Variants in CLTRN observed in about 807,000 individuals in gnomAD.
CLTRN encodes the protein collectrin, amino acid transport regulator.
In CLTRN, 12 loss-of-function variants were observed where a neutral mutation model predicts 14.5. That is an observed-to-expected ratio of 0.83 (90% CI 0.53 to 1.34). The LOEUF (loss-of-function observed/expected upper bound fraction) is 1.34. Ranked by LOEUF, CLTRN falls within the 40% of genes most tolerant of loss-of-function variation. The probability of loss-of-function intolerance (pLI) is 0.00; values close to 1 mark genes in which losing one functional copy is unlikely to be tolerated. For synonymous variants in CLTRN, 58 were observed against 56.5 expected (o/e 1.03, Z -0.12); for missense variants, 154 against 165.1 (o/e 0.93, Z 0.37).
intron 1 of CLTRN, among the ~76,000 whole-genome samples, chrX:15,672,917 A>T (rs1929743677): frequency 8.9e-6 from 1 of 112,264 alleles, no homozygotes; most frequent in African/African-American, 3.2e-5. Context: ...CATTATGGGG[A>T]AAGATTATCT....
chrX:15,662,700 G>A (rs1389667496), intron 2 of CLTRN, among the ~76,000 whole-genome samples: 1 of 111,268 alleles, frequency 9.0e-6, no homozygotes, highest in East Asian at 2.8e-4. Flanking sequence ...CCCACTATCT[G>A]TCTTCCAGCT....
chrX:15,630,305 G>A (rs1256893949), intron 5 of CLTRN, among the ~76,000 whole-genome samples: 6 of 109,584 alleles, frequency 5.5e-5, no homozygotes, highest in African/African-American at 2.0e-4. Flanking sequence ...TAATGTTGTA[G>A]GTAAAGTTAC....
At chrX:15,652,665 G>T (rs186280318) in intron 3 of CLTRN, among the ~76,000 whole-genome samples, 1 of 111,989 alleles carries the variant, frequency 8.9e-6, no homozygotes, top group East Asian at 2.8e-4. Flanking sequence ...ACTGTATCAT[G>T]AACATGGTCA....
chrX:15,659,046 A>G lies in CLTRN; in HGVS notation c.173T>C (p.Met58Thr), dbSNP rs1356265412. 1 of 1,181,918 alleles carries G rather than the reference A, an allele frequency of 8.5e-7. No individual in the cohort carries two copies. Among genetic ancestry groups the G allele is most frequent in the African/African-American group, 1.8e-5 (1 of 57,002 alleles). The change falls in exon 3 of 6, where the codon ATG becomes ACG. Residue 58 changes from methionine to threonine, a missense_variant. Coordinates refer to ENST00000380342, the MANE Select transcript of CLTRN (RefSeq NM_020665.6). ...TGCTTCTCTGTTGGGAACTTTTCTCATGGAGAAAGCTACCATCGCTTTGAA... is the reference window on the plus strand; with the variant it reads ...TGCTTCTCTGTTGGGAACTTTTCTCGTGGAGAAAGCTACCATCGCTTTGAA... ...YLFKAMVAFS[M>T]RKVPNREATE...
intron 3 of CLTRN, 96 bp downstream of exon 3, chrX:15,658,920 G>C (rs1048946297): frequency 2.0e-5 from 8 of 401,927 alleles, no homozygotes; most frequent in African/African-American, 1.8e-4. Context: ...TGAAAAATTA[G>C]CTTAATAAAT....
rs781454140 is a variant in CLTRN at position 15,671,765 on chromosome X, A to C, written c.-506+3224T>G. ...CATTGGCCATCTTAATAAAAAGATA[A>C]ATGAGCTTATTTTAATAATAATTTT... On this transcript the variant is annotated intron_variant, in intron 1 of 6. Transcript: ENST00000650271. 4.5e-5 allele frequency among the ~76,000 whole-genome samples: 5 copies of C among 110,941 alleles called. No individual in the cohort carries two copies. The South Asian group carries it at 1.9e-3, about 42-fold the overall frequency.
Position 15,634,677 on chromosome X carries a change from G to T in CLTRN, c.512+4885C>A, listed in dbSNP as rs781692215. 5.7e-5 allele frequency among the ~76,000 whole-genome samples: 6 copies of T among 105,274 alleles called. No homozygotes were observed. The South Asian group carries it at 2.6e-3, about 45-fold the overall frequency. 91.4% of individuals were successfully genotyped at this position (105,274 alleles called of 115,157 possible). ...TCAAAATCATTCTCAGTAAACTATC[G>T]CAAGAACAAAAAATCAAACACCGCA... is the stretch of plus-strand genomic sequence containing the variant. On this transcript the variant is annotated intron_variant, in intron 5 of 5. Coordinates refer to ENST00000380342, the MANE Select transcript of CLTRN (RefSeq NM_020665.6).
At chrX:15,634,676 C>T (rs1329089817) in intron 5 of CLTRN, among the ~76,000 whole-genome samples, 5 of 106,519 alleles carry the variant, frequency 4.7e-5, no homozygotes, top group South Asian at 4.2e-4. Flanking sequence ...AGTAAACTAT[C>T]GCAAGAACAA....
upstream of CLTRN, among the ~76,000 whole-genome samples, chrX:15,667,430 T>G (rs1929642899): frequency 9.0e-6 from 1 of 111,726 alleles, no homozygotes; most frequent in Non-Finnish European, 1.9e-5. Context: ...CTCTTTTGAA[T>G]GATGGTTTCT....
chrX:15,631,728 T>C (rs987403493), intron 5 of CLTRN, among the ~76,000 whole-genome samples: 1 of 112,401 alleles, frequency 8.9e-6, no homozygotes, highest in Non-Finnish European at 1.9e-5. Context: ...TATTGTTCTT[T>C]TACAACCATA....
intron 4 of CLTRN, among the ~76,000 whole-genome samples, chrX:15,642,872 C>T (rs1004938554): frequency 1.8e-5 from 2 of 109,460 alleles, no homozygotes; most frequent in Non-Finnish European, 3.8e-5. Flanking sequence ...GCAGGAGGAT[C>T]GCCTGAGGCC....
chrX:15,633,622 T>A (rs990210704), intron 5 of CLTRN, among the ~76,000 whole-genome samples: 1 of 113,078 alleles, frequency 8.8e-6, no homozygotes, highest in African/African-American at 3.2e-5. Flanking sequence ...TAAGACTTTA[T>A]AAGAATGTGG....
chrX:15,670,340 C>CACACAG (rs1929694739), intron 1 of CLTRN, among the ~76,000 whole-genome samples: 1 of 109,394 alleles, frequency 9.1e-6, no homozygotes, highest in Non-Finnish European at 1.9e-5. Context: ...CACACACACA[C>CACACAG]ACACACACAC....
At chrX:15,667,331 TTTGGCTTTTACTTAGTCA>T (rs1929641344), upstream of CLTRN, among the ~76,000 whole-genome samples, 1 of 112,668 alleles carries the variant, frequency 8.9e-6, no homozygotes, top group South Asian at 3.6e-4. Flanking sequence ...AGTGGCTTTC[TTTGGCTTTTACTTAGTCA>T]TTGATGTAAC....
chrX:15,656,126 C>G (rs1929355125), intron 3 of CLTRN, among the ~76,000 whole-genome samples: 1 of 112,202 alleles, frequency 8.9e-6, no homozygotes, highest in African/African-American at 3.2e-5. Flanking sequence ...TCCCTGGTTT[C>G]TCTTCCACTG....
upstream of CLTRN, among the ~76,000 whole-genome samples, chrX:15,668,130 T>A (rs2147217426): frequency 8.9e-6 from 1 of 112,550 alleles, no homozygotes; most frequent in South Asian, 3.6e-4. Flanking sequence ...TCCATAATAC[T>A]ACCAGAATGG....
intron 5 of CLTRN, among the ~76,000 whole-genome samples, chrX:15,632,865 C>T (rs1928731710): frequency 1.4e-5 from 1 of 71,970 alleles, no homozygotes; most frequent in Non-Finnish European, 2.4e-5. Context: ...GCCTGGGTGA[C>T]AGAGCAAGAC....
chrX:15,634,796 G>A (rs1244182342), intron 5 of CLTRN, among the ~76,000 whole-genome samples: 1 of 68,785 alleles, frequency 1.5e-5, no homozygotes, highest in African/African-American at 5.6e-5. Flanking sequence ...GGTGGGGGGA[G>A]GGGGGAGGGA....
At chrX:15,675,632 C>T (rs1340994405), upstream of CLTRN, 1 of 112,397 alleles carries the variant, frequency 8.9e-6, no homozygotes, top group African/African-American at 3.3e-5. Flanking sequence ...GGGTCGGGGA[C>T]AGAATGGGGA....
Sources: allele counts gnomAD v4.1 joint callset (sites outside exome capture counted in the v4.1 genomes callset), GRCh38; gene constraint gnomAD v4.1.1; transcripts MANE v1.5; gene names NCBI Gene and HGNC (gene_info 2026-07-23, HGNC 2026-07-21).